AGBL4: variants seen among roughly 807,000 people sequenced by gnomAD.
AGBL4 encodes the protein cytosolic carboxypeptidase 6.
AGBL4 carries 58 observed loss-of-function variants against 66.4 expected under a neutral mutation model. The observed-to-expected ratio is 0.87, with a 90% confidence interval of 0.71 to 1.09. The LOEUF (loss-of-function observed/expected upper bound fraction) is 1.09. AGBL4 is among the 50% of genes least tolerant of loss of function. The pLI is 0.00. For synonymous variants in AGBL4, 234 were observed against 222.9 expected, an observed-to-expected ratio of 1.05 and a Z score of -0.44; for missense variants, 579 against 631.0, an observed-to-expected ratio of 0.92 and a Z score of 0.88.
intron 6 of AGBL4, among the ~76,000 whole-genome samples, chr1:48,753,666 G>T (rs887920768): frequency 6.6e-6 from 1 of 152,210 alleles, no homozygotes; most frequent in Non-Finnish European, 1.5e-5. Context: ...TTATGATCTA[G>T]CCAACAGGAC....
At chr1:49,853,641 A>G (rs1646360614) in intron 1 of AGBL4, among the ~76,000 whole-genome samples, 11 of 152,062 alleles carry the variant, frequency 7.2e-5, no homozygotes. Context: ...ACAAATCCAA[A>G]CAGTAACTAG....
chr1:49,458,304 T>C (rs1008144156), intron 3 of AGBL4, among the ~76,000 whole-genome samples: 10 of 151,774 alleles, frequency 6.6e-5, no homozygotes, highest in Non-Finnish European at 5.9e-5. Flanking sequence ...TTTTATTTTA[T>C]TTTTTGCTAT....
At chr1:49,104,615 C>T (rs1645260340) in intron 4 of AGBL4, among the ~76,000 whole-genome samples, 1 of 152,032 alleles carries the variant, frequency 6.6e-6, no homozygotes, top group South Asian at 2.1e-4. Flanking sequence ...TGGGATTCTA[C>T]TAAATTCGTC....
At chr1:49,075,057 G>A (rs1236982292) in intron 4 of AGBL4, among the ~76,000 whole-genome samples, 1 of 152,136 alleles carries the variant, frequency 6.6e-6, no homozygotes, top group Non-Finnish European at 1.5e-5. Flanking sequence ...GATTAATTCA[G>A]TTCATTCCCT....
intron 5 of AGBL4, among the ~76,000 whole-genome samples, chr1:48,948,652 A>G (rs1035547761): frequency 3.3e-5 from 5 of 152,296 alleles, no homozygotes; most frequent in African/African-American, 1.2e-4. Flanking sequence ...CAGAGAATTA[A>G]ATGTGTCTGA....
intron 6 of AGBL4, among the ~76,000 whole-genome samples, chr1:48,672,227 T>C (rs986015753): frequency 3.3e-5 from 5 of 152,238 alleles, no homozygotes; most frequent in African/African-American, 1.2e-4. Context: ...CCTCTCCTGC[T>C]TTCCTGGCAA....
intron 11 of AGBL4, among the ~76,000 whole-genome samples, chr1:48,568,624 T>A (rs1644512448): frequency 6.6e-6 from 1 of 152,170 alleles, no homozygotes; most frequent in Non-Finnish European, 1.5e-5. Context: ...CTAGGAAGAA[T>A]ACTCCAACCA....
chr1:49,921,820 G>A (rs553840225), intron 1 of AGBL4, among the ~76,000 whole-genome samples: 20 of 152,260 alleles, frequency 1.3e-4, no homozygotes, highest in Non-Finnish European at 2.5e-4. Context: ...TTGCTCTGGC[G>A]GCGCTGGCAG....
chr1:49,127,423 A>C (rs2148058905), intron 4 of AGBL4, among the ~76,000 whole-genome samples: 1 of 152,262 alleles, frequency 6.6e-6, no homozygotes, highest in Admixed American at 6.5e-5. Context: ...CTGTTCCTCA[A>C]AAACGTATGA....
At chr1:49,390,612 TTCTTAACTTGTCTAAGA>T (rs749183802) in intron 3 of AGBL4, among the ~76,000 whole-genome samples, 1 of 152,230 alleles carries the variant, frequency 6.6e-6, no homozygotes, top group Non-Finnish European at 1.5e-5. Flanking sequence ...TTACAAAAGT[TTCTTAACTTGTCTAAGA>T]TACACAGTAC....
chr1:48,699,127 T>G (rs1646761026), intron 6 of AGBL4, among the ~76,000 whole-genome samples: 1 of 152,158 alleles, frequency 6.6e-6, no homozygotes, highest in African/African-American at 2.4e-5. Context: ...TCCCAGCATG[T>G]GGGGCTCAGC....
chr1:48,810,807 C>G (rs1024267182), intron 6 of AGBL4, among the ~76,000 whole-genome samples: 1 of 152,210 alleles, frequency 6.6e-6, no homozygotes, highest in African/African-American at 2.4e-5. Flanking sequence ...GTTCTCTCAT[C>G]TGAGGCAACC....
At chr1:48,761,011 C>T (rs192080642) in intron 6 of AGBL4, 26 of 200,458 alleles carry the variant, frequency 1.3e-4, no homozygotes, top group Non-Finnish European at 2.1e-4. Flanking sequence ...ATCTGTTTAA[C>T]GTTCTTGGAG....
intron 6 of AGBL4, among the ~76,000 whole-genome samples, chr1:48,828,701 G>A (rs1427127318): frequency 6.6e-6 from 1 of 152,172 alleles, no homozygotes; most frequent in East Asian, 1.9e-4. Flanking sequence ...ACAACAGGTT[G>A]TGTTAAGGAT....
intron 5 of AGBL4, among the ~76,000 whole-genome samples, chr1:48,927,184 A>G (rs2148898702): frequency 6.6e-6 from 1 of 152,260 alleles, no homozygotes; most frequent in African/African-American, 2.4e-5. Flanking sequence ...GCTAAAAAAG[A>G]CGTACCTGAG....
chr1:49,540,419 G>A (rs987974758), intron 3 of AGBL4, among the ~76,000 whole-genome samples: 1 of 152,174 alleles, frequency 6.6e-6, no homozygotes, highest in African/African-American at 2.4e-5. Context: ...AGCAGTTACA[G>A]TACTTGGCAT....
chr1:48,721,675 G>A (rs1349027922), intron 6 of AGBL4, among the ~76,000 whole-genome samples: 2 of 152,236 alleles, frequency 1.3e-5, no homozygotes, highest in Non-Finnish European at 2.9e-5. Flanking sequence ...AGGGACCCCT[G>A]TGGTCTGACA....
intron 1 of AGBL4, among the ~76,000 whole-genome samples, chr1:49,918,872 A>G (rs556653900): frequency 6.6e-6 from 1 of 152,264 alleles, no homozygotes; most frequent in South Asian, 2.1e-4. Flanking sequence ...GCACCTCAAA[A>G]AGCTTATCCA....
chr1:49,651,518 G>A (rs965723829), intron 3 of AGBL4, among the ~76,000 whole-genome samples: 5 of 152,124 alleles, frequency 3.3e-5, no homozygotes, highest in Non-Finnish European at 7.3e-5. Flanking sequence ...GCAGAAGATT[G>A]TGTGTTTGGC....
Sources: gnomAD v4.1 joint callset for allele counts (sites outside exome capture counted in the v4.1 genomes callset) on GRCh38, gnomAD v4.1.1 for gene constraint, MANE v1.5 for transcripts, NCBI Gene and HGNC (gene_info 2026-07-23, HGNC 2026-07-21) for gene names.